Variants in HTR2C observed in about 807,000 individuals in gnomAD.
HTR2C encodes 5-hydroxytryptamine receptor 2C.
In HTR2C, 5 loss-of-function variants were observed where a neutral mutation model predicts 21.0. The observed-to-expected ratio is 0.24, with a 90% CI of 0.12 to 0.50. HTR2C has a LOEUF of 0.50. Among genes scored for constraint, HTR2C ranks in the 20% least tolerant of loss-of-function variants. The probability of loss-of-function intolerance (pLI) is 0.98; values close to 1 mark genes in which losing one functional copy is unlikely to be tolerated. For synonymous variants in HTR2C, 150 were observed against 145.3 expected (o/e 1.03, Z -0.23); for missense variants, 271 against 371.2 (o/e 0.73, Z 2.22).
At chrX:114,622,914 T>C (rs1469027291) in intron 2 of HTR2C, among the ~76,000 whole-genome samples, 5 of 112,012 alleles carry the variant, frequency 4.5e-5, no homozygotes, top group Non-Finnish European at 9.4e-5. Context: ...GCATTTTAGG[T>C]AATTTTTAAA....
chrX:114,713,831 CCTCA>C (rs1932932219), intron 2 of HTR2C, among the ~76,000 whole-genome samples: 1 of 110,862 alleles, frequency 9.0e-6, no homozygotes, highest in Non-Finnish European at 1.9e-5. Flanking sequence ...TCTTTTCATT[CCTCA>C]CTCTCAAAAC....
intron 1 of HTR2C, among the ~76,000 whole-genome samples, chrX:114,612,784 C>G (rs944449718): frequency 9.0e-6 from 1 of 111,175 alleles, no homozygotes; most frequent in Non-Finnish European, 1.9e-5. Context: ...CGGATCCAGA[C>G]CCCAAGAGAG....
At chrX:114,762,412 A>G (rs2069889370) in intron 4 of HTR2C, among the ~76,000 whole-genome samples, 2 of 111,514 alleles carry the variant, frequency 1.8e-5, no homozygotes, top group African/African-American at 6.5e-5. Flanking sequence ...AGTTTATGAA[A>G]ATAAACATGC....
At chrX:114,838,853 C>T (rs1389933842) in intron 4 of HTR2C, among the ~76,000 whole-genome samples, 1 of 112,065 alleles carries the variant, frequency 8.9e-6, no homozygotes, top group Non-Finnish European at 1.9e-5. Context: ...ACAATAATTA[C>T]TGACCCAATG....
At chrX:114,762,312 T>G (rs887858870) in intron 4 of HTR2C, among the ~76,000 whole-genome samples, 44 of 100,238 alleles carry the variant, frequency 4.4e-4, no homozygotes, top group Non-Finnish European at 7.5e-4. Context: ...CCATCATATT[T>G]TCCACTGTCA....
intron 2 of HTR2C, among the ~76,000 whole-genome samples, chrX:114,652,408 G>A (rs1348693465): frequency 9.1e-6 from 1 of 110,474 alleles, no homozygotes; most frequent in Non-Finnish European, 1.9e-5. Flanking sequence ...AAGAGGCCTA[G>A]TCCAAAACAT....
chrX:114,878,214 T>C (rs1373454551), intron 5 of HTR2C, among the ~76,000 whole-genome samples: 1 of 110,792 alleles, frequency 9.0e-6, no homozygotes, highest in East Asian at 2.8e-4. Context: ...ATAATAATCT[T>C]CTTTGTCTCT....
chrX:114,725,360 G>C (rs1380373132), intron 2 of HTR2C, among the ~76,000 whole-genome samples: 1 of 111,570 alleles, frequency 9.0e-6, no homozygotes, highest in Admixed American at 9.5e-5. Context: ...TTGGCTTTCA[G>C]CTCCATCAGC....
At chrX:114,776,472 TG>T in intron 4 of HTR2C, 1 of 585,978 alleles carries the variant, frequency 1.7e-6, no homozygotes. Flanking sequence ...ACTTGGACCT[TG>T]GGCCTGTCAG....
chrX:114,703,498 T>G (rs1556417362), intron 2 of HTR2C, among the ~76,000 whole-genome samples: 1 of 111,217 alleles, frequency 9.0e-6, no homozygotes, highest in Non-Finnish European at 1.9e-5. Context: ...CATAAAGATG[T>G]TCTTTGAAAC....
intron 2 of HTR2C, among the ~76,000 whole-genome samples, chrX:114,686,339 G>A (rs1490896481): frequency 5.4e-5 from 6 of 111,065 alleles, no homozygotes; most frequent in African/African-American, 2.0e-4. Context: ...ATGTTACTGA[G>A]CACATACACA....
intron 2 of HTR2C, among the ~76,000 whole-genome samples, chrX:114,670,847 A>T (rs1556411580): frequency 8.9e-6 from 1 of 112,456 alleles, no homozygotes; most frequent in African/African-American, 3.2e-5. Flanking sequence ...ATTCAAGAGC[A>T]AATTTTTTTT....
intron 2 of HTR2C, among the ~76,000 whole-genome samples, chrX:114,637,840 A>G (rs910625818): frequency 9.0e-6 from 1 of 111,570 alleles, no homozygotes. Flanking sequence ...TAAACAGGCA[A>G]TGGGAAGGCT....
chrX:114,761,978 C>CATAT (rs2069879714), intron 4 of HTR2C, among the ~76,000 whole-genome samples: 12 of 91,764 alleles, frequency 1.3e-4, no homozygotes, highest in Non-Finnish European at 2.3e-4. Context: ...TGTATATATA[C>CATAT]GTGTATATAT....
At chrX:114,644,288 A>G (rs782487706) in intron 2 of HTR2C, among the ~76,000 whole-genome samples, 81 of 99,256 alleles carry the variant, frequency 8.2e-4, no homozygotes, top group African/African-American at 2.8e-3. Context: ...GGAGGTTGCA[A>G]TGAGTAGAGA....
chrX:114,827,973 T>G (rs1556459157), intron 4 of HTR2C, among the ~76,000 whole-genome samples: 1 of 110,679 alleles, frequency 9.0e-6, no homozygotes, highest in Admixed American at 9.7e-5. Context: ...ACTTCTTAAA[T>G]CTGTAAATTT....
intron 1 of HTR2C, among the ~76,000 whole-genome samples, chrX:114,604,793 G>A (rs1373462853): frequency 1.8e-5 from 2 of 111,415 alleles, no homozygotes; most frequent in African/African-American, 6.5e-5. Context: ...GGTTCTGGAG[G>A]AATGCCTGGC....
At chrX:114,725,067 T>G (rs1933398513) in intron 2 of HTR2C, among the ~76,000 whole-genome samples, 1 of 110,637 alleles carries the variant, frequency 9.0e-6, no homozygotes. Context: ...TGGCCTGCCT[T>G]GCTAGATTGG....
chrX:114,708,646 AT>A (rs199635509), intron 2 of HTR2C, among the ~76,000 whole-genome samples: 4 of 109,457 alleles, frequency 3.7e-5, no homozygotes, highest in South Asian at 4.0e-4. Flanking sequence ...GCTAAAAAAA[AT>A]TTTTTTTAAA....
Sources: allele counts gnomAD v4.1 joint callset (sites outside exome capture counted in the v4.1 genomes callset), GRCh38; gene constraint gnomAD v4.1.1; transcripts MANE v1.5; gene names NCBI Gene and HGNC (gene_info 2026-07-23, HGNC 2026-07-21).